Variants in HDAC9 observed in about 807,000 individuals in gnomAD.
HDAC9 encodes MEF-2 interacting transcription repressor (MITR) protein.
HDAC9 carries 41 observed loss-of-function variants against 139.4 expected under a neutral mutation model. The ratio of observed to expected loss-of-function variants is 0.29; its 90% confidence interval spans 0.23 to 0.38. HDAC9 has a LOEUF of 0.38. Among genes scored for constraint, HDAC9 ranks in the 10% least tolerant of loss-of-function variants. The pLI, the probability that HDAC9 is intolerant of heterozygous loss-of-function variation, is 1.00. For missense variants in HDAC9, 1,147 were observed against 1,297.0 expected (o/e 0.88, Z 1.78); for synonymous variants, 517 against 476.2 (o/e 1.09, Z -1.12).
chr7:18,397,233 A>G (rs1050145133), intron 1 of HDAC9, among the ~76,000 whole-genome samples: 4 of 152,270 alleles, frequency 2.6e-5, no homozygotes, highest in Non-Finnish European at 4.4e-5. Flanking sequence ...ATTAGTGGTC[A>G]TATAGTTTTT....
At chr7:18,877,311 A>G (rs771675039) in intron 22 of HDAC9, among the ~76,000 whole-genome samples, 10 of 152,172 alleles carry the variant, frequency 6.6e-5, no homozygotes, top group Admixed American at 1.3e-4. Context: ...AGATGCATTC[A>G]TATTGCTTTG....
intron 12 of HDAC9, among the ~76,000 whole-genome samples, chr7:18,719,329 TC>T: frequency 7.1e-6 from 1 of 141,154 alleles, no homozygotes; most frequent in Non-Finnish European, 1.5e-5. Context: ...TTTTTTCTCT[TC>T]CTTTTTTTTT....
intron 12 of HDAC9, among the ~76,000 whole-genome samples, chr7:18,698,713 A>C (rs1783237626): frequency 6.6e-6 from 1 of 152,166 alleles, no homozygotes; most frequent in South Asian, 2.1e-4. Context: ...TGCCCTGTCC[A>C]ATGGAAGTGA....
intron 1 of HDAC9, among the ~76,000 whole-genome samples, chr7:18,447,369 C>A (rs1209796875): frequency 6.6e-6 from 1 of 152,062 alleles, no homozygotes; most frequent in African/African-American, 2.4e-5. Context: ...TTTTCATTTA[C>A]CATTTTTTTA....
chr7:18,138,916 T>C (rs1412432080), intron 1 of HDAC9, among the ~76,000 whole-genome samples: 1 of 152,112 alleles, frequency 6.6e-6, no homozygotes, highest in Non-Finnish European at 1.5e-5. Context: ...GCATGAGACA[T>C]GGTAATCTCA....
chr7:18,366,705 A>G (rs1784207447), intron 1 of HDAC9, among the ~76,000 whole-genome samples: 1 of 152,134 alleles, frequency 6.6e-6, no homozygotes, highest in Admixed American at 6.6e-5. Context: ...GCTACAAGGC[A>G]GTTCTCCATC....
chr7:18,707,957 G>A (rs1784065019), intron 12 of HDAC9, among the ~76,000 whole-genome samples: 1 of 152,052 alleles, frequency 6.6e-6, no homozygotes, highest in African/African-American at 2.4e-5. Context: ...GAGACAGACA[G>A]TACATGCTGA....
intron 2 of HDAC9, among the ~76,000 whole-genome samples, chr7:18,539,000 G>T (rs746429971): frequency 5.3e-5 from 8 of 152,092 alleles, no homozygotes; most frequent in Non-Finnish European, 8.8e-5. Context: ...TTATCTTCTT[G>T]TAAAGCCACA....
At chr7:18,658,888 GA>G (rs906552072) in intron 11 of HDAC9, among the ~76,000 whole-genome samples, 23 of 63,418 alleles carry the variant, frequency 3.6e-4, no homozygotes, top group Non-Finnish European at 6.1e-4. Context: ...TTATTTAAAA[GA>G]AAAAAAAAGC....
chr7:18,098,298 T>G (rs1465081425), intron 1 of HDAC9, among the ~76,000 whole-genome samples: 2 of 152,238 alleles, frequency 1.3e-5, no homozygotes, highest in African/African-American at 4.8e-5. Flanking sequence ...AACCTCAGTA[T>G]TGGGTATATT....
intron 1 of HDAC9, among the ~76,000 whole-genome samples, chr7:18,403,156 A>G (rs1327569630): frequency 6.6e-6 from 1 of 152,234 alleles, no homozygotes; most frequent in African/African-American, 2.4e-5. Flanking sequence ...GACTGTGTGT[A>G]CATACAGACT....
chr7:18,952,118 A>G (rs1260775653), intron 23 of HDAC9, among the ~76,000 whole-genome samples: 1 of 151,986 alleles, frequency 6.6e-6, no homozygotes, highest in Non-Finnish European at 1.5e-5. Context: ...ACATTCAACT[A>G]AAACATGCAG....
In HDAC9 at chr7:18,304,886, C is replaced by T. The variant is rs1487521375; in HGVS notation, c.-42+14371C>T. Among the ~76,000 whole-genome samples, 5 of 152,186 alleles carry T rather than the reference C, an allele frequency of 3.3e-5. No individual in the cohort carries two copies. The East Asian group carries it at 5.8e-4, about 18-fold the overall frequency. ...TGAAAATGATCCATGCTGCCCTGGACGTTCACATATGCCCCCACCCCCACC... is the reference window on the plus strand; with the variant it reads ...TGAAAATGATCCATGCTGCCCTGGATGTTCACATATGCCCCCACCCCCACC... On this transcript the variant is annotated intron_variant, in intron 1 of 3. Transcript: ENST00000413509.
At chr7:18,584,545 C>T (rs1828869102) in intron 2 of HDAC9, among the ~76,000 whole-genome samples, 1 of 152,090 alleles carries the variant, frequency 6.6e-6, no homozygotes, top group Non-Finnish European at 1.5e-5. Flanking sequence ...ATCATCAAAT[C>T]TTTTTTACTC....
At chr7:18,455,238 G>T (rs1348897701) in intron 1 of HDAC9, among the ~76,000 whole-genome samples, 2 of 151,834 alleles carry the variant, frequency 1.3e-5, no homozygotes, top group East Asian at 1.9e-4. Flanking sequence ...AATTAGTTCT[G>T]TTTTTTCAGT....
chr7:18,257,957 C>T (rs962053579), intron 2 of HDAC9, among the ~76,000 whole-genome samples: 2 of 152,108 alleles, frequency 1.3e-5, no homozygotes, highest in African/African-American at 2.4e-5. Flanking sequence ...TCTGTGGCCT[C>T]GTTAGAAAGG....
chr7:18,540,631 A>G (rs1439766801), intron 2 of HDAC9, among the ~76,000 whole-genome samples: 1 of 150,954 alleles, frequency 6.6e-6, no homozygotes, highest in East Asian at 1.9e-4. Flanking sequence ...TACTCTATTA[A>G]ACAAAATGAA....
intron 1 of HDAC9, among the ~76,000 whole-genome samples, chr7:18,389,149 T>G (rs1214542757): frequency 6.6e-6 from 1 of 152,166 alleles, no homozygotes; most frequent in Admixed American, 6.5e-5. Flanking sequence ...GTTTTGTCTG[T>G]TTTTTTGCTA....
chr7:18,485,086 T>G (rs1795876732), intron 1 of HDAC9, among the ~76,000 whole-genome samples: 1 of 152,098 alleles, frequency 6.6e-6, no homozygotes, highest in Non-Finnish European at 1.5e-5. Flanking sequence ...AAATAGACTG[T>G]CCCTGCCATC....
Sources: gnomAD v4.1 joint callset for allele counts (sites outside exome capture counted in the v4.1 genomes callset) on GRCh38, gnomAD v4.1.1 for gene constraint, MANE v1.5 for transcripts, NCBI Gene and HGNC (gene_info 2026-07-23, HGNC 2026-07-21) for gene names.